NDUFB1: variants seen among roughly 807,000 people sequenced by gnomAD.
NDUFB1 encodes the protein NADH dehydrogenase [ubiquinone] 1 beta subcomplex subunit 1.
In NDUFB1, 6 loss-of-function variants were observed where a neutral mutation model predicts 6.7. The ratio of observed to expected loss-of-function variants is 0.89; its 90% CI spans 0.49 to 1.76. The LOEUF is 1.76. NDUFB1 is among the 40% of genes most tolerant of loss of function. The pLI, the probability that NDUFB1 is intolerant of heterozygous loss-of-function variation, is 0.01. For synonymous variants in NDUFB1, 17 were observed against 22.9 expected (o/e 0.74, Z 0.74); for missense variants, 56 against 71.0 (o/e 0.79, Z 0.76).
In NDUFB1 at chr14:92,117,721, G is replaced by GA; in HGVS notation, c.-5-80_-5-79insT. ...TAGCTTTTAAATTGCATCTGGGCCA[G>GA]GTGCGGTGGTTCATGCCTGTAATCC... On this transcript the variant is annotated intron_variant, in intron 1 of 2. Transcript: ENST00000605997. 2.2e-6 allele frequency: 3 copies of GA among 1,394,912 alleles called. No homozygotes were observed. In the South Asian group the frequency reaches 3.8e-5, roughly 18 times the overall value. The allele number at this position is 1,394,912 out of a possible 1,614,324, so 86.4% of individuals were successfully genotyped here.
At chr14:92,116,655 A>G (rs1218016259) in intron 2 of NDUFB1, among the ~76,000 whole-genome samples, 1 of 151,874 alleles carries the variant, frequency 6.6e-6, no homozygotes, top group Non-Finnish European at 1.5e-5. Context: ...TTTCTATTAC[A>G]CCGATCCATT....
In NDUFB1 at chr14:92,117,658, A is replaced by G. The variant is rs1596115913; in HGVS notation, c.-5-16T>C. On this transcript the variant is annotated splice_polypyrimidine_tract_variant and intron_variant, in intron 1 of 2. Transcript: ENST00000605997. ...ACCATGATAGCTAAAAGAAAAAAAA[A>G]TTATCAGAAATACAACTGCTTTGTT... 1.2e-6 allele frequency: 2 copies of G among 1,607,712 alleles called. No homozygotes were observed. Among genetic ancestry groups the G allele is most frequent in the East Asian group, 4.5e-5 (2 of 44,436 alleles).
intron 1 of NDUFB1, chr14:92,121,403 C>A (rs928067046): frequency 3.2e-6 from 2 of 634,476 alleles, no homozygotes; most frequent in Non-Finnish European, 2.7e-6. Flanking sequence ...CACATCTCTA[C>A]GGACGTTTTC....
chr14:92,116,332 T>C, intron 2 of NDUFB1, 103 bp from the exon 3 acceptor site: 1 of 229,908 alleles, frequency 4.3e-6, no homozygotes, highest in Non-Finnish European at 7.3e-6. Flanking sequence ...TTTCATTTTC[T>C]TTTTTTTTTT....
At chr14:92,120,275 T>C (rs1035263030) in intron 1 of NDUFB1, 2 of 152,068 alleles carry the variant, frequency 1.3e-5, no homozygotes, top group African/African-American at 4.8e-5. Flanking sequence ...TAAGCTGTGC[T>C]AGGACTATGT....
intron 2 of NDUFB1, among the ~76,000 whole-genome samples, chr14:92,117,247 A>C (rs1286034274): frequency 1.3e-5 from 2 of 152,238 alleles, no homozygotes; most frequent in African/African-American, 4.8e-5. Context: ...ATTAAAATGC[A>C]CTTTGAATTA....
rs191441130 is a variant in NDUFB1 at position 92,119,543 on chromosome 14, G to T, written c.-5-1901C>A. On this transcript the variant is annotated intron_variant, in intron 1 of 2. Transcript: ENST00000605997. ...GAATTGATGTTTATGGTACTTAAAA[G>T]CTTTTAAATGCTGAGTTTCCAGAAG... Among the ~76,000 whole-genome samples the T allele has an allele frequency of 3.6e-3, 549 of 152,212 alleles. 2 individuals carry two copies. The highest frequency in any genetic ancestry group is 5.7e-3 in the Non-Finnish European group (389 of 68,000).
At chr14:92,118,085 C>T in intron 1 of NDUFB1, 1 of 188,220 alleles carries the variant, frequency 5.3e-6, no homozygotes, top group Non-Finnish European at 1.1e-5. Flanking sequence ...TCTTTGTTTG[C>T]CTGGCATCAG....
intron 2 of NDUFB1, 66 bp from the exon 3 acceptor site, chr14:92,116,295 G>A (rs971816930): frequency 7.7e-7 from 1 of 1,291,566 alleles, no homozygotes; most frequent in African/African-American, 1.5e-5. Flanking sequence ...CGAGATAAAA[G>A]GGGAAGTCAG....
chr14:92,117,941 T>C (rs1032001529), intron 1 of NDUFB1: 16 of 345,230 alleles, frequency 4.6e-5, no homozygotes, highest in African/African-American at 3.2e-4. Context: ...GAGGTTGCAG[T>C]GAGCCAAGAT....
chr14:92,121,396 A>T (rs1191514718), intron 1 of NDUFB1: 1 of 617,676 alleles, frequency 1.6e-6, no homozygotes, highest in Non-Finnish European at 2.8e-6. Flanking sequence ...ACTGGGTCAC[A>T]TCTCTACGGA....
Position 92,116,220 on chromosome 14 carries a change from T to C in NDUFB1, c.150A>G (p.Gln50=). The C allele has an allele frequency of 3.1e-6, 5 of 1,613,054 alleles. No individual in the cohort carries two copies. The highest frequency in any genetic ancestry group is 4.2e-6 in the Non-Finnish European group (5 of 1,179,520). Residue 50 remains glutamine, a synonymous_variant, in exon 3 of 3, where the codon CAA becomes CAG. Coordinates refer to ENST00000605997, the MANE Select transcript of NDUFB1 (RefSeq NM_004545.4). ...NKSMLFKREL[Q]PSEEVTWK ...ACTTCCAGGTAACTTCTTCACTGGGTTGCAATTCCCTGTGTGGAAAGCAAA... is the reference window on the plus strand; with the variant it reads ...ACTTCCAGGTAACTTCTTCACTGGGCTGCAATTCCCTGTGTGGAAAGCAAA...
In NDUFB1 at chr14:92,117,614, C is replaced by T. The variant is rs751262570; in HGVS notation, c.24G>A (p.Val8=). Residue 8 remains valine, a synonymous_variant, in exon 2 of 3, where the codon GTG becomes GTA. Transcript: ENST00000605997. The part of the protein sequence containing the change: MVNLLQI[V]RDHWVHVLVP... Reference sequence around the variant, plus strand: ...CAAGAACATGAACCCAGTGGTCCCGCACAATCTGAAGTAAGTTCACCATGA... The same window carrying T: ...CAAGAACATGAACCCAGTGGTCCCGTACAATCTGAAGTAAGTTCACCATGA... The T allele has an allele frequency of 5.6e-6, 9 of 1,613,682 alleles. No individual in the cohort carries two copies. The highest frequency in any genetic ancestry group is 3.3e-5 in the Admixed American group (2 of 59,966).
chr14:92,119,106 G>A (rs1363823652), intron 1 of NDUFB1: 1 of 180,138 alleles, frequency 5.6e-6, no homozygotes. Flanking sequence ...GAGCCTAGGA[G>A]CTTGAGACTA....
chr14:92,121,018 C>T (rs1216921621), intron 1 of NDUFB1, among the ~76,000 whole-genome samples: 15 of 151,684 alleles, frequency 9.9e-5, no homozygotes, highest in Non-Finnish European at 1.6e-4. Flanking sequence ...AAAAATTAGC[C>T]GGGTGTGGTG....
intron 1 of NDUFB1, 173 bp downstream of exon 1, chr14:92,121,469 C>A (rs900053301): frequency 1.0e-5 from 10 of 952,968 alleles, no homozygotes; most frequent in Non-Finnish European, 1.4e-5. Context: ...GAAATCCCAT[C>A]CTCCACCCGA....
intron 1 of NDUFB1, 75 bp from the exon 2 acceptor site, chr14:92,117,717 GCC>G: frequency 6.9e-7 from 1 of 1,443,964 alleles, no homozygotes; most frequent in Non-Finnish European, 9.5e-7. Flanking sequence ...TTGCATCTGG[GCC>G]AGGTGCGGTG....
chr14:92,119,768 CT>C (rs35366427), intron 1 of NDUFB1, among the ~76,000 whole-genome samples: 3,071 of 144,876 alleles, frequency 0.021, 37 homozygotes, highest in Non-Finnish European at 0.031. Flanking sequence ...TTATATGAAA[CT>C]TTTTTTTTTT....
At chr14:92,117,403 G>A (rs1287626235) in intron 2 of NDUFB1, 95 bp downstream of exon 2, 1 of 1,285,958 alleles carries the variant, frequency 7.8e-7, no homozygotes, top group African/African-American at 1.5e-5. Flanking sequence ...GTCCTCAAGG[G>A]GGAAAAATTA....
Sources: allele counts gnomAD v4.1 joint callset (sites outside exome capture counted in the v4.1 genomes callset), GRCh38; gene constraint gnomAD v4.1.1; transcripts MANE v1.5; gene names NCBI Gene and HGNC (gene_info 2026-07-23, HGNC 2026-07-21).